The following PCDHA2 variants were observed in gnomAD, a reference collection of about 807,000 sequenced individuals.
PCDHA2 encodes protocadherin alpha-2.
In PCDHA2, 58 loss-of-function variants were observed where a neutral mutation model predicts 66.0. The ratio of observed to expected loss-of-function variants is 0.88; its 90% CI spans 0.71 to 1.09. The LOEUF (loss-of-function observed/expected upper bound fraction) is 1.09. Ranked by LOEUF, PCDHA2 falls within the 50% of genes least tolerant of loss-of-function variation. The pLI is 0.00. For synonymous variants in PCDHA2, 634 were observed against 554.0 expected, an observed-to-expected ratio of 1.14 and a Z score of -2.03; for missense variants, 1,267 against 1,242.3, an observed-to-expected ratio of 1.02 and a Z score of -0.30.
intron 1 of PCDHA2, among the ~76,000 whole-genome samples, chr5:140,893,338 T>A (rs1409461265): frequency 1.3e-5 from 2 of 152,174 alleles, no homozygotes; most frequent in Non-Finnish European, 2.9e-5. Flanking sequence ...TTTTCCTTAG[T>A]GGCAGTGCTA....
intron 1 of PCDHA2, among the ~76,000 whole-genome samples, chr5:140,920,357 A>G (rs782419559): frequency 5.3e-5 from 8 of 151,994 alleles, no homozygotes; most frequent in Non-Finnish European, 8.8e-5. Context: ...TGCTAGTTCT[A>G]TTCATTTATT....
intron 2 of PCDHA2, among the ~76,000 whole-genome samples, chr5:140,979,626 A>T (rs2096859120): frequency 2.0e-5 from 3 of 152,204 alleles, no homozygotes; most frequent in Non-Finnish European, 4.4e-5. Flanking sequence ...TTAGTCTAAG[A>T]CTCAGATTAA....
intron 1 of PCDHA2, chr5:140,805,157 T>A: frequency 6.4e-7 from 1 of 1,556,692 alleles, no homozygotes; most frequent in Non-Finnish European, 8.6e-7. Flanking sequence ...AATTTTCACT[T>A]CACAGATGTA....
chr5:140,870,355 T>C, intron 1 of PCDHA2: 7 of 1,614,110 alleles, frequency 4.3e-6, no homozygotes, highest in Non-Finnish European at 5.9e-6. Context: ...CGAGAACGTG[T>C]GGGCCTATGA....
chr5:140,985,505 T>C (rs2097155238), intron 3 of PCDHA2, among the ~76,000 whole-genome samples: 1 of 152,188 alleles, frequency 6.6e-6, no homozygotes, highest in Non-Finnish European at 1.5e-5. Flanking sequence ...CTGCCTTTCA[T>C]TGATTCTGTT....
At chr5:140,932,755 GA>G (rs1554209056) in intron 1 of PCDHA2, among the ~76,000 whole-genome samples, 4 of 151,730 alleles carry the variant, frequency 2.6e-5, no homozygotes, top group Non-Finnish European at 5.9e-5. Context: ...AAAAAGGAAA[GA>G]AAAAGAACAT....
chr5:140,978,791 A>T (rs1443899144), intron 1 of PCDHA2, 158 bp from the exon 2 acceptor site: 1 of 976,042 alleles, frequency 1.0e-6, no homozygotes, highest in South Asian at 4.7e-5. Flanking sequence ...AAAGTGCTAT[A>T]TATGTAGATA....
At chr5:140,856,041 A>G in intron 1 of PCDHA2, 1 of 1,569,530 alleles carries the variant, frequency 6.4e-7, no homozygotes, top group Non-Finnish European at 8.7e-7. Flanking sequence ...AAACAAGAGA[A>G]GGATAAGATG....
At chr5:140,911,818 A>T (rs1472874528) in intron 1 of PCDHA2, among the ~76,000 whole-genome samples, 2 of 152,210 alleles carry the variant, frequency 1.3e-5, no homozygotes, top group African/African-American at 2.4e-5. Flanking sequence ...CCTTCTCCAG[A>T]AACCCCAAAA....
Position 140,842,124 on chromosome 5 carries a change from A to T in PCDHA2, c.2388+44772A>T, listed in dbSNP as rs2150329759. The T allele has an allele frequency of 4.0e-5, 65 of 1,613,768 alleles. 1 individual carries two copies. The highest frequency in any genetic ancestry group is 2.8e-4 in the Admixed American group (17 of 59,988). The stretch of plus-strand genomic sequence containing the variant: ...ACAGTTATCAAACTGAATGCTTCTG[A>T]TCCGGATGAAGGAGCCAATGGGGCA... On this transcript the variant is annotated intron_variant, in intron 1 of 3. Coordinates refer to ENST00000526136, the MANE Select transcript of PCDHA2 (RefSeq NM_018905.3).
intron 1 of PCDHA2, among the ~76,000 whole-genome samples, chr5:140,954,517 A>G (rs1554221451): frequency 6.6e-6 from 1 of 152,182 alleles, no homozygotes; most frequent in Non-Finnish European, 1.5e-5. Flanking sequence ...TTACCTAATG[A>G]TCAGTGATGT....
intron 1 of PCDHA2, chr5:140,877,223 C>G: frequency 6.2e-7 from 1 of 1,613,714 alleles, no homozygotes; most frequent in Non-Finnish European, 8.5e-7. Flanking sequence ...GTACCGCGGT[C>G]GGTGGGTGCG....
At chr5:140,966,763 G>C (rs1020607410) in intron 1 of PCDHA2, 1 of 1,470,370 alleles carries the variant, frequency 6.8e-7, no homozygotes, top group Non-Finnish European at 9.0e-7. Flanking sequence ...CGCGGCCAGT[G>C]GCTATGGAGC....
At chr5:140,861,618 C>T (rs1035938345) in intron 1 of PCDHA2, 1 of 340,802 alleles carries the variant, frequency 2.9e-6, no homozygotes, top group Non-Finnish European at 6.0e-6. Flanking sequence ...AGACAACCTG[C>T]CAGTGTTCTC....
rs1562279471 is a variant in PCDHA2 at position 140,824,615 on chromosome 5, T to TTTTTTTTTG, written c.2388+27271_2388+27272insGTTTTTTTT. 4.8e-5 allele frequency: 6 copies of TTTTTTTTTG among 126,010 alleles called. No homozygotes were observed. In the East Asian group the frequency reaches 8.2e-4, roughly 17 times the overall value. The allele number at this position is 126,010 out of a possible 1,614,324, so 7.8% of individuals were successfully genotyped here. ...ACATGCACATGCTAATTAAAGTTTT[T>TTTTTTTTTG]TTTTTTTTTTTTTTTTTATTTTCTG... On this transcript the variant is annotated intron_variant, in intron 1 of 3. Transcript: ENST00000526136.
intron 1 of PCDHA2, among the ~76,000 whole-genome samples, chr5:140,977,512 G>GAAACTTGA: frequency 3.9e-5 from 6 of 152,278 alleles, no homozygotes; most frequent in Admixed American, 3.9e-4. Context: ...AGCATTTTGT[G>GAAACTTGA]AACTTGAAAA....
rs1554145527 is a variant in PCDHA2, at chr5:140,851,758, C to T, written c.2388+54406C>T. The T allele has an allele frequency of 1.1e-5, 11 of 969,794 alleles. 1 individual carries two copies. The highest frequency in any genetic ancestry group is 1.4e-5 in the Non-Finnish European group (11 of 802,714). 60.1% of individuals were successfully genotyped at this position (969,794 alleles called of 1,614,324 possible). ...GAAATTCAGAGTCTGTAACTTAAAACATTACCCTTATGAATTTAGATGAGA... is the reference window on the plus strand; with the variant it reads ...GAAATTCAGAGTCTGTAACTTAAAATATTACCCTTATGAATTTAGATGAGA... On this transcript the variant is annotated intron_variant, in intron 1 of 3. Transcript: ENST00000526136.
At chr5:140,834,553 C>T (rs2150220861) in intron 1 of PCDHA2, 19 of 1,614,022 alleles carry the variant, frequency 1.2e-5, no homozygotes, top group Non-Finnish European at 1.6e-5. Flanking sequence ...CTGGAGCTGG[C>T]GGAGCTGGTG....
At chr5:140,801,270 G>A (rs781968055) in intron 1 of PCDHA2, 39 of 1,613,590 alleles carry the variant, frequency 2.4e-5, no homozygotes, top group Non-Finnish European at 2.7e-5. Flanking sequence ...CGCAGCCTCG[G>A]AGGTGGGGAG....
Sources: gnomAD v4.1 joint callset for allele counts (sites outside exome capture counted in the v4.1 genomes callset) on GRCh38, gnomAD v4.1.1 for gene constraint, MANE v1.5 for transcripts, NCBI Gene and HGNC (gene_info 2026-07-23, HGNC 2026-07-21) for gene names.